The following P2RX5 variants were observed in gnomAD, a reference collection of about 807,000 sequenced individuals.
The protein encoded by P2RX5 is P2X purinoceptor 5.
In P2RX5, 46 loss-of-function variants were observed where a neutral mutation model predicts 54.1. The ratio of observed to expected loss-of-function variants is 0.85; its 90% CI spans 0.67 to 1.09. P2RX5 has a LOEUF of 1.09. Among genes scored for constraint, P2RX5 ranks in the 50% least tolerant of loss-of-function variants. The probability of loss-of-function intolerance (pLI) is 0.00; values close to 1 mark genes in which losing one functional copy is unlikely to be tolerated. For missense variants in P2RX5, 566 were observed against 549.8 expected, an observed-to-expected ratio of 1.03 and a Z score of -0.29; for synonymous variants, 226 against 226.4, an observed-to-expected ratio of 1.00 and a Z score of 0.02.
intron 10 of P2RX5, among the ~76,000 whole-genome samples, chr17:3,680,776 A>T (rs1485173266): frequency 1.3e-3 from 31 of 24,188 alleles, no homozygotes; most frequent in Non-Finnish European, 1.3e-3. Flanking sequence ...TCCTCCACCC[A>T]GTGTCCTCCA....
At chr17:3,719,519 A>T in the P2RX5 span, among the ~76,000 whole-genome samples, 5 of 152,186 alleles carry the variant, frequency 3.3e-5, no homozygotes, top group Non-Finnish European at 7.3e-5. Context: ...CACACAAAGC[A>T]TTCAGTCCAC....
At chr17:3,715,991 C>T in the P2RX5 span, among the ~76,000 whole-genome samples, 1 of 151,924 alleles carries the variant, frequency 6.6e-6, no homozygotes, top group Non-Finnish European at 1.5e-5. Context: ...CCCGTCTCTA[C>T]TAAAAATACA....
At chr17:3,705,801 T>G in the P2RX5 span, among the ~76,000 whole-genome samples, 2 of 152,122 alleles carry the variant, frequency 1.3e-5, no homozygotes. Context: ...AGAAGATTAC[T>G]TTTTTCTTTT....
the P2RX5 span, chr17:3,723,363 T>C: frequency 1.2e-6 from 2 of 1,613,326 alleles, no homozygotes; most frequent in South Asian, 1.1e-5. Flanking sequence ...CACAGCTCAC[T>C]GAATGCCATT....
In P2RX5 at chr17:3,681,960, G is replaced by C; in HGVS notation, c.1000C>G (p.Leu334Val). ...TTTTTGATGAGGTAGATGAGTACCA[G>C]GTCGCAGAAGAAAGCACCCTGCAAA... Reference protein sequence around the residue: ...VNGKGAFFCDLVLIYLIKKRE... With the variant: ...VNGKGAFFCDVVLIYLIKKRE... The change falls in exon 10 of 12, where the codon CTG becomes GTG. Residue 334 changes from leucine (L) to valine (V), a missense_variant. By Grantham distance (32) the Leu-to-Val change is conservative. Transcript: ENST00000225328. 1 of 1,613,130 alleles carries C rather than the reference G, an allele frequency of 6.2e-7. No homozygotes were observed. The highest frequency in any genetic ancestry group is 1.3e-5 in the African/African-American group (1 of 75,044).
the P2RX5 span, among the ~76,000 whole-genome samples, chr17:3,705,749 G>A: frequency 2.0e-5 from 3 of 152,088 alleles, no homozygotes; most frequent in Admixed American, 6.6e-5. Flanking sequence ...AGTGTCTGGG[G>A]TAGAGTGACT....
chr17:3,701,193 T>A (rs1410765241), upstream of P2RX5, among the ~76,000 whole-genome samples: 1 of 152,252 alleles, frequency 6.6e-6, no homozygotes, highest in Non-Finnish European at 1.5e-5. Flanking sequence ...TCAACACAAA[T>A]TCACAAACTT....
chr17:3,676,572 G>A (rs957696433), intron 11 of P2RX5: 24 of 985,252 alleles, frequency 2.4e-5, no homozygotes, highest in South Asian at 1.9e-4. Context: ...GGCAGCATGC[G>A]TGTAAGTCTG....
At chr17:3,692,687 A>G (rs995022753) in intron 1 of P2RX5, among the ~76,000 whole-genome samples, 2 of 152,072 alleles carry the variant, frequency 1.3e-5, no homozygotes, top group Non-Finnish European at 2.9e-5. Context: ...ATGAAAAACA[A>G]AAAAGTAATC....
intron 11 of P2RX5, chr17:3,677,253 A>C: frequency 1.0e-6 from 1 of 985,314 alleles, no homozygotes. Context: ...CTTCAGGCCC[A>C]GCCTCTGAGG....
At chr17:3,702,189 TAAATGCACCAATCAGCACTGTGTAA>T in the P2RX5 span, among the ~76,000 whole-genome samples, 1 of 144,238 alleles carries the variant, frequency 6.9e-6, no homozygotes, top group Admixed American at 6.9e-5. Context: ...TAAAGGATTG[TAAATGCACCAATCAGCACTGTGTAA>T]AAATGCACCA....
At chr17:3,675,090 A>G (rs917743869) in intron 11 of P2RX5, among the ~76,000 whole-genome samples, 3 of 152,168 alleles carry the variant, frequency 2.0e-5, no homozygotes, top group African/African-American at 7.2e-5. Context: ...CCCAGGCTGG[A>G]GTGCAGTGGC....
Position 3,673,893 on chromosome 17 carries a change from A to AG in P2RX5, c.1260-17dup. 6.2e-7 allele frequency: 1 copy of AG among 1,608,766 alleles called. No homozygotes were observed. The highest frequency in any genetic ancestry group is 8.5e-7 in the Non-Finnish European group (1 of 1,177,636). ...TCACGTGCTCCTGGAATATCAGAAC[A>AG]GAAAGGAGCTCTTGAGAGGCTGGCA... is the stretch of plus-strand genomic sequence containing the variant. On this transcript the variant is annotated splice_polypyrimidine_tract_variant and intron_variant, in intron 11 of 11. Transcript: ENST00000225328.
Position 3,681,979 on chromosome 17 carries a change from C to T in P2RX5, c.982-1G>A. On this transcript the variant is annotated splice_acceptor_variant, in intron 9 of 11. Transcript: ENST00000225328. LOFTEE classifies it high-confidence loss of function. Reference sequence around the variant, plus strand: ...GTACCAGGTCGCAGAAGAAAGCACCCTGCAAAACAGGGGTTCCTGATTCAG... The same window carrying T: ...GTACCAGGTCGCAGAAGAAAGCACCTTGCAAAACAGGGGTTCCTGATTCAG... 1 of 1,608,632 alleles carries T rather than the reference C, an allele frequency of 6.2e-7. No homozygotes were observed. Among genetic ancestry groups the T allele is most frequent in the Non-Finnish European group, 8.5e-7 (1 of 1,175,170 alleles).
the P2RX5 span, among the ~76,000 whole-genome samples, chr17:3,716,328 G>C: frequency 0.47 from 71,625 of 151,988 alleles, 17,764 homozygotes; most frequent in East Asian, 0.65. Flanking sequence ...TCTGTTTTAA[G>C]GCCTTACCGT....
rs191481954 is a variant in P2RX5 at position 3,682,215 on chromosome 17, G to A, written c.982-237C>T. ...CGATCCCACAGGCCAGGCACTCCCCGACCCCGCACCACCCGGACCCCATCC... is the reference window on the plus strand; with the variant it reads ...CGATCCCACAGGCCAGGCACTCCCCAACCCCGCACCACCCGGACCCCATCC... On this transcript the variant is annotated intron_variant, in intron 9 of 11. Coordinates refer to ENST00000225328, the MANE Select transcript of P2RX5 (RefSeq NM_002561.4). 1.3e-4 allele frequency: 70 copies of A among 559,724 alleles called. 2 individuals are homozygous for A. Among genetic ancestry groups the A allele is most frequent in the Admixed American group, 7.0e-4 (25 of 35,826 alleles). 34.7% of individuals were successfully genotyped at this position (559,724 alleles called of 1,614,324 possible).
intron 10 of P2RX5, among the ~76,000 whole-genome samples, chr17:3,681,215 G>C (rs559963145): frequency 2.6e-5 from 4 of 152,126 alleles, no homozygotes; most frequent in Admixed American, 2.6e-4. Flanking sequence ...GCAGTAAGGC[G>C]AATGACCCAG....
At chr17:3,699,803 T>TGAGA (rs2050802232), upstream of P2RX5, among the ~76,000 whole-genome samples, 1 of 87,248 alleles carries the variant, frequency 1.1e-5, no homozygotes, top group Non-Finnish European at 2.8e-5. Context: ...ATACTCCATC[T>TGAGA]AAGAAAGAAA....
chr17:3,715,736 G>GT, the P2RX5 span, among the ~76,000 whole-genome samples: 4 of 152,056 alleles, frequency 2.6e-5, no homozygotes, highest in Admixed American at 2.6e-4. Context: ...ATGCACCTGA[G>GT]TAACAGTCCC....
Sources: gnomAD v4.1 joint callset for allele counts (sites outside exome capture counted in the v4.1 genomes callset) on GRCh38, gnomAD v4.1.1 for gene constraint, MANE v1.5 for transcripts, NCBI Gene and HGNC (gene_info 2026-07-23, HGNC 2026-07-21) for gene names.